GPR89B: variants seen among roughly 807,000 people sequenced by gnomAD.
The protein encoded by GPR89B is golgi pH regulator B, also known as G protein-coupled receptor 89B.
GPR89B carries 25 observed loss-of-function variants against 52.4 expected under a neutral mutation model. The observed-to-expected ratio is 0.48, with a 90% CI of 0.35 to 0.67. The LOEUF (loss-of-function observed/expected upper bound fraction) is 0.67, where lower values mean the gene tolerates loss of function less well. GPR89B is among the 30% of genes least tolerant of loss of function. The probability of loss-of-function intolerance (pLI) is 0.01; values close to 1 mark genes in which losing one functional copy is unlikely to be tolerated. For missense variants in GPR89B, 146 were observed against 450.2 expected (o/e 0.32, Z 6.11); for synonymous variants, 52 against 151.2 (o/e 0.34, Z 4.81).
At chr1:147,994,220 A>G (rs1659257612), downstream of GPR89B, 3 of 1,600,480 alleles carry the variant, frequency 1.9e-6, no homozygotes, top group South Asian at 2.2e-5. Context: ...ACAGGTCGCA[A>G]CTCATTCTTT....
intron 2 of GPR89B, among the ~76,000 whole-genome samples, chr1:147,937,753 T>C (rs1319654639): frequency 1.3e-5 from 2 of 152,194 alleles, no homozygotes; most frequent in Non-Finnish European, 1.5e-5. Context: ...ATTCTGTTCT[T>C]TTTCAGGGTG....
In GPR89B at chr1:147,992,559, C is replaced by G. The variant is rs1383064201; in HGVS notation, c.1153C>G (p.Gln385Glu). Residue 385 changes from glutamine to glutamate, a missense_variant, in exon 13 of 14, where the codon CAG becomes GAG. Gln to Glu is a conservative substitution (Grantham distance 29). Coordinates refer to ENST00000314163, the MANE Select transcript of GPR89B (RefSeq NM_016334.5). ...CAATGTCATTGTCCTGCTATTAGCA[C>G]AGATAATGGTAAGTTTAATTAGTTA... ...SSNVIVLLLA[Q>E]IMGMYFVSSV... The G allele has an allele frequency of 6.2e-7, 1 of 1,611,500 alleles. No individual in the cohort carries two copies. The highest frequency in any genetic ancestry group is 8.5e-7 in the Non-Finnish European group (1 of 1,179,584).
At chr1:147,958,212 G>T (rs1656269194) in intron 7 of GPR89B, among the ~76,000 whole-genome samples, 1 of 151,982 alleles carries the variant, frequency 6.6e-6, no homozygotes, top group Admixed American at 6.5e-5. Context: ...TACATTTATT[G>T]TTTATTTTAC....
chr1:147,948,808 AG>A (rs1383960641), intron 5 of GPR89B, among the ~76,000 whole-genome samples: 3 of 136,768 alleles, frequency 2.2e-5, no homozygotes, highest in Non-Finnish European at 4.7e-5. Context: ...TTTCTCACAG[AG>A]GGGGATTTGG....
chr1:147,990,177 C>G (rs1298013588), intron 12 of GPR89B, among the ~76,000 whole-genome samples: 6,736 of 152,234 alleles, frequency 0.044, 205 homozygotes, highest in African/African-American at 0.073. Context: ...GTGATGGTAT[C>G]TCATTGTGGT....
intron 3 of GPR89B, among the ~76,000 whole-genome samples, chr1:147,940,659 G>A (rs1288837020): frequency 4.6e-5 from 7 of 152,172 alleles, no homozygotes; most frequent in Admixed American, 1.3e-4. Flanking sequence ...GTTGTAGAGC[G>A]AAAGCAGTCA....
At chr1:147,977,051 G>A (rs1180953574) in intron 10 of GPR89B, among the ~76,000 whole-genome samples, 1 of 151,218 alleles carries the variant, frequency 6.6e-6, no homozygotes, top group Non-Finnish European at 1.5e-5. Flanking sequence ...TGGCTAACAC[G>A]GTGAAACCCC....
intron 3 of GPR89B, among the ~76,000 whole-genome samples, chr1:147,940,603 G>C (rs1654480791): frequency 6.6e-6 from 1 of 152,160 alleles, no homozygotes; most frequent in Non-Finnish European, 1.5e-5. Flanking sequence ...AATATTTTAG[G>C]TTTCTGTGGA....
the GPR89B span, among the ~76,000 whole-genome samples, chr1:148,019,482 A>C: frequency 6.6e-6 from 1 of 151,960 alleles, no homozygotes; most frequent in Non-Finnish European, 1.5e-5. Context: ...TGCTGGGCTT[A>C]GTACCTGAGT....
rs1459652231 is a variant in GPR89B, at chr1:147,948,775, TTTTAA to T, written c.416-4567_416-4563del. Among the ~76,000 whole-genome samples, 495 of 151,296 alleles carry T rather than the reference TTTTAA, an allele frequency of 3.3e-3. 1 individual carries two copies. Among genetic ancestry groups the T allele is most frequent in the Non-Finnish European group, 5.7e-3 (387 of 67,704 alleles). ...AAAATAATTTTTTTTTTTTTTTTTT[TTTTAA>T]TTGATCATTCTTGGGTGTTTCTCAC... is the stretch of plus-strand genomic sequence containing the variant. On this transcript the variant is annotated intron_variant, in intron 5 of 13. Coordinates refer to ENST00000314163, the MANE Select transcript of GPR89B (RefSeq NM_016334.5).
downstream of GPR89B, among the ~76,000 whole-genome samples, chr1:147,998,136 G>T (rs1335405381): frequency 4.1e-5 from 6 of 148,044 alleles, no homozygotes; most frequent in Admixed American, 6.8e-5. Context: ...GGTGGACCTG[G>T]GTATGGTGTG....
chr1:147,998,075 T>TG (rs1363635959), downstream of GPR89B, among the ~76,000 whole-genome samples: 46 of 151,798 alleles, frequency 3.0e-4, no homozygotes, highest in Non-Finnish European at 5.9e-4. Context: ...TTGATTTTTT[T>TG]GTAATAGAAT....
At chr1:148,008,922 T>TA in the GPR89B span, among the ~76,000 whole-genome samples, 33 of 149,346 alleles carry the variant, frequency 2.2e-4, no homozygotes, top group African/African-American at 3.7e-4. Flanking sequence ...GGCACTCAGA[T>TA]AAAAAAAAAA....
chr1:147,943,396 C>T (rs1654707152), intron 3 of GPR89B, 42 bp from the exon 4 acceptor site: 2 of 1,597,662 alleles, frequency 1.3e-6, no homozygotes, highest in African/African-American at 1.3e-5. Context: ...AAAGTTGCTG[C>T]CCTCTCTTCC....
At chr1:148,020,795 C>T in the GPR89B span, among the ~76,000 whole-genome samples, 1 of 151,954 alleles carries the variant, frequency 6.6e-6, no homozygotes, top group Non-Finnish European at 1.5e-5. Context: ...TCAAGAGATT[C>T]TCATGCCTCA....
rs1656959001 is a variant in GPR89B at position 147,965,448 on chromosome 1, T to G, written c.618-1106T>G. Among the ~76,000 whole-genome samples, 6 of 152,232 alleles carry G rather than the reference T, an allele frequency of 3.9e-5. No homozygotes were observed. The South Asian group carries it at 1.2e-3, about 32-fold the overall frequency. ...TACTCTATTTTTATTAGACTCATCCTAGTTCATTTTATGCCTGTAGGCCTT... is the reference window on the plus strand; with the variant it reads ...TACTCTATTTTTATTAGACTCATCCGAGTTCATTTTATGCCTGTAGGCCTT... On this transcript the variant is annotated intron_variant, in intron 7 of 13. Transcript: ENST00000314163.
chr1:148,020,585 C>A, the GPR89B span, among the ~76,000 whole-genome samples: 80 of 151,324 alleles, frequency 5.3e-4, 2 homozygotes, highest in Admixed American at 7.9e-4. Context: ...CATTTACTTA[C>A]TGTGCCGCGC....
At chr1:148,023,411 G>C in the GPR89B span, among the ~76,000 whole-genome samples, 1 of 145,912 alleles carries the variant, frequency 6.9e-6, no homozygotes, top group Non-Finnish European at 1.5e-5. Context: ...TCATAGGAGC[G>C]CATGTGTCTT....
At chr1:148,012,956 T>C in the GPR89B span, among the ~76,000 whole-genome samples, 1 of 152,082 alleles carries the variant, frequency 6.6e-6, no homozygotes, top group Non-Finnish European at 1.5e-5. Flanking sequence ...ATTCAATAAT[T>C]ATAAAATGTT....
Sources: allele counts gnomAD v4.1 joint callset (sites outside exome capture counted in the v4.1 genomes callset), GRCh38; gene constraint gnomAD v4.1.1; transcripts MANE v1.5; gene names NCBI Gene and HGNC (gene_info 2026-07-23, HGNC 2026-07-21).